The following MTA1 variants were observed in gnomAD, a reference collection of about 807,000 sequenced individuals.
MTA1 encodes the protein metastasis-associated protein MTA1.
In MTA1, 15 loss-of-function variants were observed where a neutral mutation model predicts 97.0. The observed-to-expected ratio is 0.15, with a 90% CI of 0.10 to 0.24. The LOEUF is 0.24. Among genes scored for constraint, MTA1 ranks in the 10% least tolerant of loss-of-function variants. MTA1 has a pLI of 1.00. For missense variants in MTA1, 709 were observed against 1,015.1 expected, an observed-to-expected ratio of 0.70 and a Z score of 4.10; for synonymous variants, 435 against 417.5, an observed-to-expected ratio of 1.04 and a Z score of -0.51.
intron 1 of MTA1, among the ~76,000 whole-genome samples, chr14:105,433,270 C>T (rs587682060): frequency 1.3e-5 from 2 of 152,102 alleles, no homozygotes; most frequent in African/African-American, 4.8e-5. Flanking sequence ...GGGACGCTCC[C>T]GTGAGCCTTG....
chr14:105,451,774 T>C (rs1555428743), intron 6 of MTA1, among the ~76,000 whole-genome samples: 1 of 85,776 alleles, frequency 1.2e-5, no homozygotes, highest in East Asian at 2.8e-3. Context: ...TTTTTCTTTT[T>C]CTTTTTTTGT....
intron 18 of MTA1, among the ~76,000 whole-genome samples, chr14:105,468,596 G>A (rs1042800603): frequency 6.6e-6 from 1 of 152,228 alleles, no homozygotes; most frequent in African/African-American, 2.4e-5. Context: ...GGGCTGGACA[G>A]GCTGCTTCTG....
Position 105,465,165 on chromosome 14 carries a change from G to A in MTA1, c.1606G>A (p.Ala536Thr). The A allele has an allele frequency of 1.3e-5, 20 of 1,521,994 alleles. No individual in the cohort carries two copies. The highest frequency in any genetic ancestry group is 1.8e-5 in the Non-Finnish European group (20 of 1,128,554). 94.3% of individuals were successfully genotyped at this position (1,521,994 alleles called of 1,614,324 possible). A position where few individuals can be genotyped will look rare whatever the true frequency, so the allele number is the denominator to read the frequency against. ...LKQAVRKPLE[A>T]VLRYLETHPR... is the part of the protein sequence containing the mutation. ...GCAGGCGGTACGCAAGCCGCTGGAA[G>A]CCGTGCTTCGGTATCTTGGTGAGCA... The change falls in exon 16 of 21, where the codon GCC becomes ACC. Residue 536 changes from alanine (A) to threonine (T), a missense_variant. Physicochemically the swap from Ala to Thr is moderately conservative, Grantham distance 58. Coordinates refer to ENST00000331320, the MANE Select transcript of MTA1 (RefSeq NM_004689.4).
chr14:105,464,242 C>CAAGG lies in MTA1; in HGVS notation c.1192+96_1192+99dup. Reference sequence around the variant, plus strand: ...GAGGGCTCCAGCATGGCCCAGCCTGCAAGGGGCCCACTGACGATGGGGGCT... The same window carrying CAAGG: ...GAGGGCTCCAGCATGGCCCAGCCTGCAAGGAAGGGGCCCACTGACGATGGGGGCT... On this transcript the variant is annotated intron_variant, in intron 13 of 20. Coordinates refer to ENST00000331320, the MANE Select transcript of MTA1 (RefSeq NM_004689.4). 2.1e-6 allele frequency: 3 copies of CAAGG among 1,429,520 alleles called. No homozygotes were observed. In the East Asian group the frequency reaches 7.2e-5, roughly 34 times the overall value. The allele number at this position is 1,429,520 out of a possible 1,614,324, so 88.6% of individuals were successfully genotyped here.
At chr14:105,451,624 G>T (rs1034103143) in intron 6 of MTA1, among the ~76,000 whole-genome samples, 1 of 152,186 alleles carries the variant, frequency 6.6e-6, no homozygotes, top group Non-Finnish European at 1.5e-5. Context: ...AAAAAGGCCC[G>T]TGAGGAAGCA....
At chr14:105,454,110 A>C in intron 6 of MTA1, 83 bp from the exon 7 acceptor site, 1 of 1,029,844 alleles carries the variant, frequency 9.7e-7, no homozygotes, top group South Asian at 1.3e-5. Flanking sequence ...CCCTCCCAGC[A>C]GCCCGGCCGT....
intron 1 of MTA1, among the ~76,000 whole-genome samples, chr14:105,436,453 A>G (rs1166985363): frequency 6.6e-6 from 1 of 152,228 alleles, no homozygotes; most frequent in Non-Finnish European, 1.5e-5. Context: ...TTGGAAGTCC[A>G]TAGTCATGTT....
Position 105,464,098 on chromosome 14 carries a change from G to T in MTA1, c.1143G>T (p.Gly381=). The T allele has an allele frequency of 6.2e-7, 1 of 1,612,402 alleles. No individual in the cohort carries two copies. The highest frequency in any genetic ancestry group is 8.5e-7 in the Non-Finnish European group (1 of 1,179,742). Reference sequence around the variant, plus strand: ...AGGCCGGTGTGGTGAACGGCACGGGGGCGCCGGGCCAGAGCCCTGGGGCTG... The same window carrying T: ...AGGCCGGTGTGGTGAACGGCACGGGTGCGCCGGGCCAGAGCCCTGGGGCTG... ...NVKAGVVNGT[G]APGQSPGAGR... is the part of the protein sequence containing the mutation. Residue 381 remains glycine, a synonymous_variant, in exon 13 of 21, where the codon GGG becomes GGT. Coordinates refer to ENST00000331320, the MANE Select transcript of MTA1 (RefSeq NM_004689.4).
intron 18 of MTA1, chr14:105,468,294 C>T (rs1168997239): frequency 7.7e-7 from 1 of 1,303,868 alleles, no homozygotes; most frequent in African/African-American, 1.5e-5. Context: ...GCTCACTAAC[C>T]TAAAGCATGT....
chr14:105,461,434 C>T (rs1344907838), intron 10 of MTA1, among the ~76,000 whole-genome samples: 9 of 152,206 alleles, frequency 5.9e-5, no homozygotes, highest in Admixed American at 2.6e-4. Context: ...TGTACCTCCA[C>T]CTCAGGACCC....
chr14:105,449,623 G>A (rs1167382174), intron 4 of MTA1, among the ~76,000 whole-genome samples: 1 of 152,210 alleles, frequency 6.6e-6, no homozygotes, highest in African/African-American at 2.4e-5. Flanking sequence ...GGTGTGGGAG[G>A]TCTGTGGTGG....
At chr14:105,468,655 G>A (rs1360585455) in intron 18 of MTA1, among the ~76,000 whole-genome samples, 1 of 152,180 alleles carries the variant, frequency 6.6e-6, no homozygotes, top group Admixed American at 6.5e-5. Flanking sequence ...GAGCTGGCAG[G>A]TTGCTCCGAT....
At chr14:105,443,892 C>G (rs2082625237) in intron 2 of MTA1, among the ~76,000 whole-genome samples, 1 of 151,836 alleles carries the variant, frequency 6.6e-6, no homozygotes, top group African/African-American at 2.4e-5. Context: ...AGATAGAGAC[C>G]ATCCTGGCCA....
rs893303783 is a variant in MTA1, at chr14:105,444,241, G to C, written c.97-1177G>C. ...TACAAAAAAATTAGCCGGGCGTGGT[G>C]GTGGGCGCCTGTAGTCCCAGCTACT... is the stretch of plus-strand genomic sequence containing the variant. On this transcript the variant is annotated intron_variant, in intron 2 of 20. Transcript: ENST00000331320. Among the ~76,000 whole-genome samples, 29 of 152,036 alleles carry C rather than the reference G, an allele frequency of 1.9e-4. 1 individual carries two copies. Among genetic ancestry groups the C allele is most frequent in the Admixed American group, 1.9e-3 (29 of 15,248 alleles).
At chr14:105,467,988 C>T (rs911097761) in intron 18 of MTA1, 9 of 291,382 alleles carry the variant, frequency 3.1e-5, no homozygotes, top group African/African-American at 1.3e-4. Context: ...CACCCCTTGC[C>T]GCCTGGCTGG....
chr14:105,456,973 G>A (rs2083177751), intron 7 of MTA1, among the ~76,000 whole-genome samples: 1 of 152,248 alleles, frequency 6.6e-6, no homozygotes, highest in Non-Finnish European at 1.5e-5. Flanking sequence ...CAGGGTCTGG[G>A]AGCCAGTGCC....
At chr14:105,444,067 G>A (rs587682766) in intron 2 of MTA1, among the ~76,000 whole-genome samples, 10 of 145,896 alleles carry the variant, frequency 6.9e-5, no homozygotes, top group South Asian at 4.3e-4. Context: ...CAGCCTGGGC[G>A]ACAGAGTGAG....
At chr14:105,438,264 A>G (rs1216866479) in intron 1 of MTA1, among the ~76,000 whole-genome samples, 2 of 152,090 alleles carry the variant, frequency 1.3e-5, no homozygotes, top group South Asian at 2.1e-4. Flanking sequence ...GGCTGCTGCC[A>G]GTGGGAAGGT....
At chr14:105,446,275 A>G (rs1555427159) in intron 3 of MTA1, among the ~76,000 whole-genome samples, 1 of 152,120 alleles carries the variant, frequency 6.6e-6, no homozygotes, top group African/African-American at 2.4e-5. Flanking sequence ...GGGGGCAGGC[A>G]TGAGGGGCAT....
Sources: gnomAD v4.1 joint callset for allele counts (sites outside exome capture counted in the v4.1 genomes callset) on GRCh38, gnomAD v4.1.1 for gene constraint, MANE v1.5 for transcripts, NCBI Gene and HGNC (gene_info 2026-07-23, HGNC 2026-07-21) for gene names.